CYP3A4: variants seen among roughly 807,000 people sequenced by gnomAD.
CYP3A4 encodes cytochrome P450 family 3 subfamily A member 4.
Under a neutral mutation model 54.9 loss-of-function variants are expected in CYP3A4, and 41 were observed. That is an observed-to-expected ratio of 0.75 (90% CI 0.58 to 0.97). The LOEUF (loss-of-function observed/expected upper bound fraction) is 0.97, where lower values mean the gene tolerates loss of function less well. CYP3A4 is among the 50% of genes least tolerant of loss of function. The probability of loss-of-function intolerance (pLI) is 0.00; values close to 1 mark genes in which losing one functional copy is unlikely to be tolerated. For synonymous variants in CYP3A4, 179 were observed against 205.2 expected, an observed-to-expected ratio of 0.87 and a Z score of 1.09; for missense variants, 510 against 597.3, an observed-to-expected ratio of 0.85 and a Z score of 1.52.
intron 9 of CYP3A4, among the ~76,000 whole-genome samples, chr7:99,765,979 A>G (rs1815467621): frequency 6.6e-6 from 1 of 152,104 alleles, no homozygotes; most frequent in Non-Finnish European, 1.5e-5. Flanking sequence ...GGTTTTTGCC[A>G]TTACTTTTAA....
chr7:99,766,609 C>T, intron 8 of CYP3A4, 166 bp from the exon 9 acceptor site: 1 of 813,702 alleles, frequency 1.2e-6, no homozygotes, highest in Non-Finnish European at 1.9e-6. Flanking sequence ...CTTCTAAATC[C>T]TTGGAAAGCA....
chr7:99,783,968 A>T, intron 1 of CYP3A4, 43 bp downstream of exon 1: 1 of 1,593,058 alleles, frequency 6.3e-7, no homozygotes, highest in Non-Finnish European at 8.6e-7. Context: ...TTAGCACCCC[A>T]AGTCCAAGGA....
chr7:99,761,041 T>C, intron 11 of CYP3A4, 60 bp from the exon 12 acceptor site: 3 of 1,569,302 alleles, frequency 1.9e-6, no homozygotes, highest in Non-Finnish European at 2.6e-6. Flanking sequence ...AAGAGTTACA[T>C]GTTAGGGTTT....
chr7:99,777,664 A>G (rs1294376721), intron 3 of CYP3A4, among the ~76,000 whole-genome samples: 1 of 152,132 alleles, frequency 6.6e-6, no homozygotes, highest in East Asian at 1.9e-4. Context: ...ATATTTCTGC[A>G]AGGACACCTG....
At chr7:99,777,594 A>G (rs1432796624) in intron 3 of CYP3A4, among the ~76,000 whole-genome samples, 4 of 151,924 alleles carry the variant, frequency 2.6e-5, no homozygotes, top group Admixed American at 1.3e-4. Context: ...TAACAAAACT[A>G]TCACAAAAGA....
chr7:99,775,926 T>A (rs1054081599), intron 3 of CYP3A4, among the ~76,000 whole-genome samples: 15 of 151,722 alleles, frequency 9.9e-5, no homozygotes, highest in Non-Finnish European at 1.3e-4. Flanking sequence ...TGGGAGAAAA[T>A]TTTTGCAATC....
Position 99,782,232 on chromosome 7 carries a change from C to T in CYP3A4, c.71+1779G>A, listed in dbSNP as rs1487263000. On this transcript the variant is annotated intron_variant, in intron 1 of 12. Coordinates refer to ENST00000651514, the MANE Select transcript of CYP3A4 (RefSeq NM_017460.6). ...GTTAATGTGTCAGCAGCATTGGTCCCCAAGGAATGATCTAGGTGAATGTCT... is the reference window on the plus strand; with the variant it reads ...GTTAATGTGTCAGCAGCATTGGTCCTCAAGGAATGATCTAGGTGAATGTCT... 2.6e-5 allele frequency among the ~76,000 whole-genome samples: 4 copies of T among 152,166 alleles called. No homozygotes were observed. The East Asian group carries it at 7.7e-4, about 29-fold the overall frequency.
At position 99,779,994 on chromosome 7, in the gene CYP3A4, T is replaced by G. The variant is rs1210093449; in HGVS notation, c.163A>C (p.Lys55Gln). ...PFLGNILSYH[K>Q]GFCMFDMECH... ...AGAGTGAGCTCAAAAACACTCACCT[T>G]ATGGTAGGACAAAATATTTCCCAAA... Residue 55 changes from lysine (K) to glutamine (Q), a missense_variant and splice_region_variant, in exon 2 of 13, where the codon AAG becomes CAG. Lys to Gln is a moderately conservative substitution (Grantham distance 53). Coordinates refer to ENST00000651514, the MANE Select transcript of CYP3A4 (RefSeq NM_017460.6). 2.5e-6 allele frequency: 4 copies of G among 1,612,404 alleles called. No individual in the cohort carries two copies. The African/African-American group carries it at 4.0e-5, about 16-fold the overall frequency.
At chr7:99,767,098 A>G in intron 8 of CYP3A4, 33 bp downstream of exon 8, 1 of 1,595,568 alleles carries the variant, frequency 6.3e-7, no homozygotes, top group Non-Finnish European at 8.5e-7. Flanking sequence ...ATGAAAAACT[A>G]AACATCCTCC....
intron 3 of CYP3A4, among the ~76,000 whole-genome samples, chr7:99,777,603 G>C (rs1161138264): frequency 2.0e-5 from 3 of 151,560 alleles, no homozygotes; most frequent in Admixed American, 2.0e-4. Flanking sequence ...TATCACAAAA[G>C]ACTCCGCAAA....
At position 99,763,913 on chromosome 7, in the gene CYP3A4, G is replaced by C; in HGVS notation, c.968C>G (p.Thr323Ser). 1 of 1,614,024 alleles carries C rather than the reference G, an allele frequency of 6.2e-7. No homozygotes were observed. The highest frequency in any genetic ancestry group is 8.5e-7 in the Non-Finnish European group (1 of 1,179,968). The change falls in exon 10 of 13, where the codon ACT becomes AGT. Residue 323 changes from threonine to serine, a missense_variant. This residue lies in a region of CYP3A4 where 238 missense variants were observed against 322.5 expected (regional missense o/e 0.74). Coordinates refer to ENST00000651514, the MANE Select transcript of CYP3A4 (RefSeq NM_017460.6). ...VLSFIMYELATHPDVQQKLQE... is the reference protein window; with the variant it reads ...VLSFIMYELASHPDVQQKLQE... ...CAGTTTCTGCTGGACATCAGGGTGA[G>C]TGGCCAGTTCATACATAATGAAGGA...
intron 3 of CYP3A4, 45 bp downstream of exon 3, chr7:99,777,983 A>C: frequency 6.6e-7 from 1 of 1,510,098 alleles, no homozygotes; most frequent in Non-Finnish European, 9.2e-7. Flanking sequence ...GGGTAAACTC[A>C]TCATAGAAAC....
intron 1 of CYP3A4, among the ~76,000 whole-genome samples, chr7:99,781,601 G>A (rs1017643366): frequency 1.3e-5 from 2 of 152,170 alleles, no homozygotes; most frequent in Admixed American, 1.3e-4. Context: ...AAGAAGAAAA[G>A]CTGATGGAAG....
chr7:99,780,730 C>T lies in CYP3A4; in HGVS notation c.72-645G>A, dbSNP rs1315258195. The stretch of plus-strand genomic sequence containing the variant: ...GATTGACAACTGTGCTCAAGGCTTC[C>T]ATTGACCTCATAGAAATGTGAGCAG... On this transcript the variant is annotated intron_variant, in intron 1 of 12. Coordinates refer to ENST00000651514, the MANE Select transcript of CYP3A4 (RefSeq NM_017460.6). 3.9e-5 allele frequency among the ~76,000 whole-genome samples: 6 copies of T among 152,162 alleles called. No homozygotes were observed. In the South Asian group the frequency reaches 1.2e-3, roughly 32 times the overall value.
At chr7:99,783,675 C>A in intron 1 of CYP3A4, among the ~76,000 whole-genome samples, 1 of 131,444 alleles carries the variant, frequency 7.6e-6, no homozygotes, top group Non-Finnish European at 1.5e-5. Context: ...CTGGCATGAT[C>A]TCAGCTCACT....
At chr7:99,763,800 G>A in intron 10 of CYP3A4, 55 bp downstream of exon 10, 2 of 1,602,942 alleles carry the variant, frequency 1.2e-6, no homozygotes, top group African/African-American at 1.3e-5. Flanking sequence ...TGGTGAGGAG[G>A]CATTTTTGCT....
intron 10 of CYP3A4, 114 bp from the exon 11 acceptor site, chr7:99,762,381 A>G: frequency 7.4e-7 from 1 of 1,356,378 alleles, no homozygotes; most frequent in Middle Eastern, 1.8e-4. Flanking sequence ...ATACTGGTAA[A>G]GGATCGAAGC....
At chr7:99,761,852 G>A (rs1815340952) in intron 11 of CYP3A4, among the ~76,000 whole-genome samples, 189 bp downstream of exon 11, 1 of 152,124 alleles carries the variant, frequency 6.6e-6, no homozygotes, top group Non-Finnish European at 1.5e-5. Context: ...GATGACTGTA[G>A]TTTTCTTTTT....
In CYP3A4 at chr7:99,758,202, T is replaced by C; in HGVS notation, c.1443A>G (p.Gly481=). Residue 481 remains glycine, a synonymous_variant, in exon 13 of 13, where the codon GGA becomes GGG. Coordinates refer to ENST00000651514, the MANE Select transcript of CYP3A4 (RefSeq NM_017460.6). ...CAACGGGTTTTTCTGGTTGAAGAAG[T>C]CCTCCTAAGCTTAATTTCAGGGGGA... ...TQIPLKLSLG[G]LLQPEKPVVL... The C allele has an allele frequency of 2.5e-6, 4 of 1,613,942 alleles. No homozygotes were observed. Among genetic ancestry groups the C allele is most frequent in the Non-Finnish European group, 3.4e-6 (4 of 1,179,914 alleles).
Sources: allele counts gnomAD v4.1 joint callset (sites outside exome capture counted in the v4.1 genomes callset), GRCh38; gene constraint gnomAD v4.1.1; regional missense constraint gnomAD v4.1.1; transcripts MANE v1.5; gene names NCBI Gene and HGNC (gene_info 2026-07-23, HGNC 2026-07-21).